The following MARCHF5 variants were observed in gnomAD, a reference collection of about 807,000 sequenced individuals.
The protein encoded by MARCHF5 is membrane associated ring-CH-type finger 5.
MARCHF5 carries 5 observed loss-of-function variants against 36.5 expected under a neutral mutation model. That is an observed-to-expected ratio of 0.14 (90% CI 0.07 to 0.29). The LOEUF (loss-of-function observed/expected upper bound fraction) is 0.29, where lower values mean the gene tolerates loss of function less well. Ranked by LOEUF, MARCHF5 falls within the 10% of genes least tolerant of loss-of-function variation. The pLI is 1.00. For synonymous variants in MARCHF5, 103 were observed against 109.9 expected, an observed-to-expected ratio of 0.94 and a Z score of 0.39; for missense variants, 179 against 336.3, an observed-to-expected ratio of 0.53 and a Z score of 3.66.
chr10:92,327,515 G>A (rs755672221), intron 2 of MARCHF5, among the ~76,000 whole-genome samples: 26 of 152,104 alleles, frequency 1.7e-4, no homozygotes, highest in Non-Finnish European at 2.9e-4. Flanking sequence ...AAATACATCT[G>A]TAAGATAAAT....
Position 92,353,256 on chromosome 10 carries a change from C to G in MARCHF5, c.*2049C>G, listed in dbSNP as rs1277161439. 3.3e-5 allele frequency: 5 copies of G among 152,104 alleles called. No homozygotes were observed. The highest frequency in any genetic ancestry group is 5.9e-5 in the Non-Finnish European group (4 of 68,030). 9.4% of individuals were successfully genotyped at this position (152,104 alleles called of 1,614,324 possible). On this transcript the variant is annotated 3_prime_UTR_variant, in exon 6 of 6. Transcript: ENST00000358935. ...TTATTAGCTCGAGAAATACCACATG[C>G]CAGTCTTCCCAGGAAGGTGACCTGC...
At chr10:92,312,093 G>A (rs1843151098) in intron 2 of MARCHF5, among the ~76,000 whole-genome samples, 3 of 152,098 alleles carry the variant, frequency 2.0e-5, no homozygotes, top group African/African-American at 7.2e-5. Context: ...TAACCAAGAG[G>A]TATAGGAAGG....
At chr10:92,324,594 C>A (rs1295829552) in intron 2 of MARCHF5, among the ~76,000 whole-genome samples, 3 of 152,188 alleles carry the variant, frequency 2.0e-5, no homozygotes, top group African/African-American at 7.2e-5. Context: ...GATCTCCTGA[C>A]CTCATGCCGC....
At chr10:92,307,704 A>G (rs1033271885) in intron 1 of MARCHF5, among the ~76,000 whole-genome samples, 6 of 151,956 alleles carry the variant, frequency 3.9e-5, no homozygotes, top group Admixed American at 6.6e-5. Context: ...GTGAAACCCT[A>G]TCTCTACTAA....
chr10:92,338,481 TG>T (rs1325617174), intron 2 of MARCHF5, among the ~76,000 whole-genome samples: 1 of 152,214 alleles, frequency 6.6e-6, no homozygotes, highest in Non-Finnish European at 1.5e-5. Context: ...GATATAGAGT[TG>T]GTGTGCACTA....
At chr10:92,330,986 C>T (rs1360442378) in intron 2 of MARCHF5, among the ~76,000 whole-genome samples, 4 of 152,150 alleles carry the variant, frequency 2.6e-5, no homozygotes, top group Non-Finnish European at 5.9e-5. Flanking sequence ...TTACCTTCCT[C>T]AGGGTAATGG....
chr10:92,341,914 A>G (rs772158453), intron 3 of MARCHF5, among the ~76,000 whole-genome samples: 158 of 149,262 alleles, frequency 1.1e-3, no homozygotes, highest in Non-Finnish European at 1.9e-3. Context: ...CTTAGCCTCC[A>G]TAGTAGCTGG....
At chr10:92,316,792 A>G (rs1297423913) in intron 2 of MARCHF5, among the ~76,000 whole-genome samples, 1 of 151,774 alleles carries the variant, frequency 6.6e-6, no homozygotes, top group Non-Finnish European at 1.5e-5. Flanking sequence ...TCCTGGCCTC[A>G]AGGGATCCCC....
chr10:92,323,205 C>T (rs1274916335), intron 2 of MARCHF5, among the ~76,000 whole-genome samples: 1 of 152,088 alleles, frequency 6.6e-6, no homozygotes, highest in East Asian at 1.9e-4. Flanking sequence ...CTGCACCCAG[C>T]CCCTCTTTCT....
At chr10:92,302,277 T>A (rs1843024398) in intron 1 of MARCHF5, among the ~76,000 whole-genome samples, 1 of 152,158 alleles carries the variant, frequency 6.6e-6, no homozygotes, top group Admixed American at 6.5e-5. Context: ...GTGTCATGAT[T>A]GTGGTTATAT....
At chr10:92,347,512 A>AGAT (rs869056649) in intron 3 of MARCHF5, among the ~76,000 whole-genome samples, 4,591 of 40,572 alleles carry the variant, frequency 0.11, 148 homozygotes, top group South Asian at 0.13. Flanking sequence ...ATAGATAGAT[A>AGAT]GATAGATAGA....
rs34971275 is a variant in MARCHF5 at position 92,345,697 on chromosome 10, CT to C, written c.370-3638del. Among the ~76,000 whole-genome samples the C allele has an allele frequency of 6.3e-3, 779 of 123,578 alleles. 2 individuals carry two copies. The highest frequency in any genetic ancestry group is 0.022 in the African/African-American group (723 of 33,362). The allele number at this position is 123,578 out of a possible 152,430, so 81.1% of individuals were successfully genotyped here. A position where few individuals can be genotyped will look rare whatever the true frequency, so the allele number is the denominator to read the frequency against. ...TTTTGTTTTTCTCTTTTTTTTTTTT[CT>C]TTTTTTTTTTTTTGAGACAGAGTCT... On this transcript the variant is annotated intron_variant, in intron 3 of 5. Coordinates refer to ENST00000358935, the MANE Select transcript of MARCHF5 (RefSeq NM_017824.5).
chr10:92,322,714 G>A (rs548732602), intron 2 of MARCHF5, among the ~76,000 whole-genome samples: 2 of 150,494 alleles, frequency 1.3e-5, no homozygotes, highest in Non-Finnish European at 3.0e-5. Flanking sequence ...CTCCCAAAGT[G>A]CACCATCACA....
intron 2 of MARCHF5, among the ~76,000 whole-genome samples, chr10:92,327,015 C>G (rs1843369192): frequency 6.6e-6 from 1 of 152,100 alleles, no homozygotes; most frequent in East Asian, 1.9e-4. Flanking sequence ...TTTTTCTTCT[C>G]TCTCCTTCAT....
At chr10:92,317,063 T>C (rs1843219645) in intron 2 of MARCHF5, among the ~76,000 whole-genome samples, 1 of 152,086 alleles carries the variant, frequency 6.6e-6, no homozygotes, top group Admixed American at 6.6e-5. Flanking sequence ...GGTAGAGAGA[T>C]CTTGACTCCC....
Position 92,340,797 on chromosome 10 carries a change from G to A in MARCHF5, c.363G>A (p.Val121=). 1 of 1,609,366 alleles carries A rather than the reference G, an allele frequency of 6.2e-7. No homozygotes were observed. The highest frequency in any genetic ancestry group is 8.5e-7 in the Non-Finnish European group (1 of 1,178,360). Residue 121 remains valine, a synonymous_variant, in exon 3 of 6, where the codon GTG becomes GTA. Transcript: ENST00000358935. ...WTAVTYGAVT[V]MQVVGHKEGL... Reference sequence around the variant, plus strand: ...CTGTGACTTATGGAGCAGTGACAGTGATGCAGGTTCACTATTTTACCTATA... The same window carrying A: ...CTGTGACTTATGGAGCAGTGACAGTAATGCAGGTTCACTATTTTACCTATA...
chr10:92,341,501 A>G (rs947852870), intron 3 of MARCHF5, among the ~76,000 whole-genome samples: 21 of 152,170 alleles, frequency 1.4e-4, no homozygotes, highest in African/African-American at 5.1e-4. Flanking sequence ...CTGCTGCTGA[A>G]TATTAGAGAG....
intron 3 of MARCHF5, among the ~76,000 whole-genome samples, chr10:92,346,782 C>G (rs1008458904): frequency 1.3e-5 from 2 of 152,018 alleles, no homozygotes; most frequent in African/African-American, 4.8e-5. Context: ...AGTGCCCAAC[C>G]CCTACTTCCT....
intron 3 of MARCHF5, among the ~76,000 whole-genome samples, chr10:92,347,991 T>C (rs1378367908): frequency 6.6e-6 from 1 of 151,636 alleles, no homozygotes; most frequent in Non-Finnish European, 1.5e-5. Context: ...GAGATCAGCC[T>C]GACCAATGTG....
Sources: gnomAD v4.1 joint callset for allele counts (sites outside exome capture counted in the v4.1 genomes callset) on GRCh38, gnomAD v4.1.1 for gene constraint, MANE v1.5 for transcripts, NCBI Gene and HGNC (gene_info 2026-07-23, HGNC 2026-07-21) for gene names.